Variants in EPB41L2 observed in about 807,000 individuals in gnomAD.
The protein encoded by EPB41L2 is band 4.1-like protein 2.
EPB41L2 carries 43 observed loss-of-function variants against 113.0 expected under a neutral mutation model. The ratio of observed to expected loss-of-function variants is 0.38; its 90% CI spans 0.30 to 0.49. EPB41L2 has a LOEUF of 0.49. Ranked by LOEUF, EPB41L2 falls within the 20% of genes least tolerant of loss-of-function variation. EPB41L2 has a pLI of 0.95. For missense variants in EPB41L2, 1,147 were observed against 1,223.4 expected, an observed-to-expected ratio of 0.94 and a Z score of 0.93; for synonymous variants, 442 against 436.7, an observed-to-expected ratio of 1.01 and a Z score of -0.15.
intron 1 of EPB41L2, among the ~76,000 whole-genome samples, chr6:131,023,359 A>ATC (rs923022014): frequency 2.6e-5 from 4 of 152,154 alleles, no homozygotes; most frequent in Non-Finnish European, 4.4e-5. Context: ...AATTAATTCC[A>ATC]TCTACTATTT....
intron 11 of EPB41L2, among the ~76,000 whole-genome samples, chr6:130,885,587 A>G (rs1268903185): frequency 6.6e-6 from 1 of 152,174 alleles, no homozygotes; most frequent in African/African-American, 2.4e-5. Flanking sequence ...GAGTTAAGGC[A>G]AACAGAATTA....
rs752382034 is a variant in EPB41L2 at position 130,867,578 on chromosome 6, G to T, written c.2611C>A (p.Pro871Thr). The change falls in exon 16 of 20, where the codon CCA becomes ACA. Residue 871 changes from proline to threonine, a missense_variant. Coordinates refer to ENST00000337057, the MANE Select transcript of EPB41L2 (RefSeq NM_001431.4). Reference sequence around the variant, plus strand: ...GTTACCATCTCTGTTTTTACCACTGGTGGCTGAGGTGGAAAAGGAAGGGAA... The same window carrying T: ...GTTACCATCTCTGTTTTTACCACTGTTGGCTGAGGTGGAAAAGGAAGGGAA... ...LPQIICCSEPPVVKTEMVTIS... is the reference protein window; with the variant it reads ...LPQIICCSEPTVVKTEMVTIS... 6.2e-7 allele frequency: 1 copy of T among 1,613,748 alleles called. No individual in the cohort carries two copies. Among genetic ancestry groups the T allele is most frequent in the Admixed American group, 1.7e-5 (1 of 60,002 alleles).
chr6:131,035,624 T>C (rs571053334), intron 1 of EPB41L2, among the ~76,000 whole-genome samples: 1 of 152,336 alleles, frequency 6.6e-6, no homozygotes, highest in Admixed American at 6.5e-5. Flanking sequence ...TCAAACTTTC[T>C]GTGTAAAAGA....
chr6:131,061,803 G>GA (rs1317931758), intron 1 of EPB41L2, among the ~76,000 whole-genome samples: 16 of 151,184 alleles, frequency 1.1e-4, no homozygotes, highest in South Asian at 4.2e-4. Context: ...GTATTCCGTT[G>GA]AAAAAAACAA....
intron 1 of EPB41L2, among the ~76,000 whole-genome samples, chr6:130,979,715 G>C (rs1778959710): frequency 6.6e-6 from 1 of 152,104 alleles, no homozygotes; most frequent in Non-Finnish European, 1.5e-5. Flanking sequence ...CATGAAGTTA[G>C]AAAGAGACTT....
intron 4 of EPB41L2, among the ~76,000 whole-genome samples, chr6:130,909,765 A>T (rs1798789579): frequency 6.6e-6 from 1 of 152,142 alleles, no homozygotes; most frequent in African/African-American, 2.4e-5. Context: ...TGATGAGTGA[A>T]CTCCCATTCA....
intron 19 of EPB41L2, among the ~76,000 whole-genome samples, chr6:130,855,346 G>A (rs183873923): frequency 9.9e-5 from 15 of 152,050 alleles, no homozygotes; most frequent in South Asian, 2.1e-4. Flanking sequence ...GCGAGACTCC[G>A]TCACAAAAAA....
At chr6:130,907,725 G>A (rs765885374) in intron 5 of EPB41L2, among the ~76,000 whole-genome samples, 3 of 152,054 alleles carry the variant, frequency 2.0e-5, no homozygotes, top group South Asian at 2.1e-4. Context: ...TAAATAATTC[G>A]AGAGAGAAAG....
intron 10 of EPB41L2, among the ~76,000 whole-genome samples, chr6:130,893,486 A>G (rs2128484985): frequency 6.6e-6 from 1 of 152,330 alleles, no homozygotes; most frequent in South Asian, 2.1e-4. Context: ...AGGGGTGCCT[A>G]GGGACTCACG....
intron 1 of EPB41L2, among the ~76,000 whole-genome samples, chr6:131,030,284 T>C (rs1446004437): frequency 1.3e-5 from 2 of 152,220 alleles, no homozygotes; most frequent in Non-Finnish European, 2.9e-5. Flanking sequence ...GGCTGGAACA[T>C]CCTGGTCTCA....
chr6:130,863,550 G>T, intron 18 of EPB41L2, 88 bp downstream of exon 18: 1 of 910,564 alleles, frequency 1.1e-6, no homozygotes, highest in Non-Finnish European at 1.8e-6. Flanking sequence ...GGGGAGAAGA[G>T]GTTTACACAG....
chr6:130,863,904 T>C (rs1027341197), intron 17 of EPB41L2, among the ~76,000 whole-genome samples, 186 bp from the exon 18 acceptor site: 1 of 152,218 alleles, frequency 6.6e-6, no homozygotes, highest in Non-Finnish European at 1.5e-5. Context: ...TAGAGAATCC[T>C]ATTACTAAAG....
intron 12 of EPB41L2, 80 bp downstream of exon 12, chr6:130,885,016 T>C: frequency 1.3e-6 from 2 of 1,505,282 alleles, no homozygotes; most frequent in East Asian, 2.3e-5. Flanking sequence ...AAATACTTGA[T>C]TTCTGAAACA....
chr6:131,004,995 G>A (rs1357038862), intron 1 of EPB41L2, among the ~76,000 whole-genome samples: 1 of 152,118 alleles, frequency 6.6e-6, no homozygotes, highest in African/African-American at 2.4e-5. Context: ...TCAAGAAATG[G>A]ATAAGAAAAG....
intron 19 of EPB41L2, among the ~76,000 whole-genome samples, chr6:130,842,425 C>T (rs1029200899): frequency 9.9e-5 from 15 of 152,066 alleles, no homozygotes; most frequent in Non-Finnish European, 1.6e-4. Flanking sequence ...TATATGACAC[C>T]TTCAGTCATG....
At chr6:130,962,999 ACT>A (rs1773996865) in intron 1 of EPB41L2, among the ~76,000 whole-genome samples, 1 of 152,106 alleles carries the variant, frequency 6.6e-6, no homozygotes, top group African/African-American at 2.4e-5. Flanking sequence ...TGTATACATA[ACT>A]CTGTTAAATG....
Position 130,869,602 on chromosome 6 carries a change from A to C in EPB41L2, c.2568T>G (p.Val856=). Residue 856 remains valine, a synonymous_variant, in exon 15 of 20, where the codon GTT becomes GTG. Transcript: ENST00000337057. The part of the protein sequence containing the change: ...PQKVNGEVSH[V]DIDVLPQIIC... ...TAATTTGTGGCAAAACATCAATGTC[A>C]ACATGGGACACCTCTCCGTTAACTT... 1 of 1,614,180 alleles carries C rather than the reference A, an allele frequency of 6.2e-7. No homozygotes were observed. The highest frequency in any genetic ancestry group is 8.5e-7 in the Non-Finnish European group (1 of 1,180,028).
In EPB41L2 at chr6:130,885,280, T is replaced by C. The variant is rs1454443280; in HGVS notation, c.1661-12A>G. On this transcript the variant is annotated splice_polypyrimidine_tract_variant and intron_variant, in intron 11 of 19. Coordinates refer to ENST00000337057, the MANE Select transcript of EPB41L2 (RefSeq NM_001431.4). Reference sequence around the variant, plus strand: ...GACACCAATCGGAGCTAGTAAAGAGTGACAATTTTGGATTATTTTAGGACA... The same window carrying C: ...GACACCAATCGGAGCTAGTAAAGAGCGACAATTTTGGATTATTTTAGGACA... 1.2e-6 allele frequency: 2 copies of C among 1,613,556 alleles called. No homozygotes were observed. Among genetic ancestry groups the C allele is most frequent in the Non-Finnish European group, 8.5e-7 (1 of 1,179,798 alleles).
chr6:130,862,405 T>G (rs977550517), intron 18 of EPB41L2, among the ~76,000 whole-genome samples: 7 of 152,070 alleles, frequency 4.6e-5, no homozygotes, highest in African/African-American at 9.7e-5. Flanking sequence ...ATTCAATGAG[T>G]GCTTATTGAG....
Sources: gnomAD v4.1 joint callset for allele counts (sites outside exome capture counted in the v4.1 genomes callset) on GRCh38, gnomAD v4.1.1 for gene constraint, MANE v1.5 for transcripts, NCBI Gene and HGNC (gene_info 2026-07-23, HGNC 2026-07-21) for gene names.